The following IGF1 variants were observed in gnomAD, a reference collection of about 807,000 sequenced individuals.
IGF1 encodes insulin-like growth factor 1.
A neutral mutation model predicts 13.8 loss-of-function variants in IGF1; 4 were observed. The ratio of observed to expected loss-of-function variants is 0.29; its 90% confidence interval spans 0.14 to 0.66. The LOEUF is 0.66. Ranked by LOEUF, IGF1 falls within the 30% of genes least tolerant of loss-of-function variation. The probability of loss-of-function intolerance (pLI) is 0.78; values close to 1 mark genes in which losing one functional copy is unlikely to be tolerated. For missense variants in IGF1, 124 were observed against 188.5 expected, an observed-to-expected ratio of 0.66 and a Z score of 2.00; for synonymous variants, 76 against 72.6, an observed-to-expected ratio of 1.05 and a Z score of -0.23.
At chr12:102,447,776 A>G (rs1223367252) in intron 2 of IGF1, among the ~76,000 whole-genome samples, 1 of 152,180 alleles carries the variant, frequency 6.6e-6, no homozygotes, top group Non-Finnish European at 1.5e-5. Flanking sequence ...TTAACTCAAG[A>G]TGGATTAAAG....
intron 2 of IGF1, among the ~76,000 whole-genome samples, chr12:102,473,709 A>T (rs994046261): frequency 1.3e-5 from 2 of 152,218 alleles, no homozygotes; most frequent in African/African-American, 4.8e-5. Flanking sequence ...TACAATTTTT[A>T]AAAATTTGCT....
At chr12:102,419,454 A>G in intron 3 of IGF1, 55 bp downstream of exon 3, 4 of 1,564,318 alleles carry the variant, frequency 2.6e-6, no homozygotes, top group Admixed American at 3.5e-5. Flanking sequence ...GCCCACCCAC[A>G]TGCACAAGAG....
intron 3 of IGF1, among the ~76,000 whole-genome samples, chr12:102,418,657 A>G (rs1341762936): frequency 4.6e-5 from 7 of 151,996 alleles, no homozygotes; most frequent in Non-Finnish European, 7.4e-5. Context: ...CCTTCTCTTT[A>G]GTTCTTATTC....
At chr12:102,418,809 T>G (rs1875403813) in intron 3 of IGF1, among the ~76,000 whole-genome samples, 1 of 152,244 alleles carries the variant, frequency 6.6e-6, no homozygotes, top group African/African-American at 2.4e-5. Flanking sequence ...CTCTGAGGTT[T>G]GTTTACAGTC....
intron 3 of IGF1, among the ~76,000 whole-genome samples, chr12:102,412,166 C>T (rs1874701620): frequency 6.6e-6 from 1 of 152,138 alleles, no homozygotes; most frequent in African/African-American, 2.4e-5. Context: ...TTCCACCCCT[C>T]CAATAATGTC....
At chr12:102,470,792 T>C (rs1880638195) in intron 2 of IGF1, among the ~76,000 whole-genome samples, 1 of 152,174 alleles carries the variant, frequency 6.6e-6, no homozygotes, top group South Asian at 2.1e-4. Context: ...AATTATACAC[T>C]CTCTTCTTTA....
intron 2 of IGF1, among the ~76,000 whole-genome samples, chr12:102,434,751 A>G (rs1877074241): frequency 6.6e-6 from 1 of 151,736 alleles, no homozygotes; most frequent in Non-Finnish European, 1.5e-5. Context: ...GAACTAGTTT[A>G]CAGTCCCACC....
At chr12:102,428,818 A>G (rs1408446727) in intron 2 of IGF1, among the ~76,000 whole-genome samples, 2 of 152,190 alleles carry the variant, frequency 1.3e-5, no homozygotes, top group African/African-American at 4.8e-5. Flanking sequence ...GTGTCTGTCA[A>G]TGCTACATGA....
intron 2 of IGF1, among the ~76,000 whole-genome samples, chr12:102,472,419 A>T (rs980393518): frequency 6.6e-6 from 1 of 151,312 alleles, no homozygotes; most frequent in Admixed American, 6.6e-5. Flanking sequence ...TAATAGAGTT[A>T]AAAAAAAACT....
intron 1 of IGF1, chr12:102,478,554 G>A (rs1360300966): frequency 7.5e-6 from 12 of 1,601,544 alleles, no homozygotes; most frequent in Non-Finnish European, 9.4e-6. Context: ...TTATGAGGCC[G>A]ATGTGAATAG....
intron 2 of IGF1, among the ~76,000 whole-genome samples, chr12:102,445,057 C>G (rs1207769893): frequency 1.3e-5 from 2 of 151,934 alleles, no homozygotes. Flanking sequence ...AGATGTGTAG[C>G]GTTATTTCTG....
intron 2 of IGF1, among the ~76,000 whole-genome samples, chr12:102,437,228 G>T (rs1269291053): frequency 6.6e-6 from 1 of 152,176 alleles, no homozygotes; most frequent in African/African-American, 2.4e-5. Flanking sequence ...GGCCTCCCTA[G>T]CAGTCTCTCA....
At chr12:102,422,792 G>C (rs550502674) in intron 2 of IGF1, among the ~76,000 whole-genome samples, 1 of 152,260 alleles carries the variant, frequency 6.6e-6, no homozygotes, top group African/African-American at 2.4e-5. Context: ...TCTTTGCCTT[G>C]AGAAACTCTT....
chr12:102,441,539 G>T (rs2137092943), intron 2 of IGF1, among the ~76,000 whole-genome samples: 1 of 152,306 alleles, frequency 6.6e-6, no homozygotes, highest in Middle Eastern at 3.4e-3. Flanking sequence ...CCATATTTGG[G>T]AAGCAGGCTA....
At chr12:102,444,806 A>G (rs979623994) in intron 2 of IGF1, among the ~76,000 whole-genome samples, 20 of 152,222 alleles carry the variant, frequency 1.3e-4, no homozygotes, top group African/African-American at 4.6e-4. Flanking sequence ...CCCAGTAAGG[A>G]GATGCGTTAA....
chr12:102,479,790 G>A (rs938132525), intron 1 of IGF1, among the ~76,000 whole-genome samples: 1 of 151,940 alleles, frequency 6.6e-6, no homozygotes, highest in Non-Finnish European at 1.5e-5. Flanking sequence ...GCAGAGTTCC[G>A]GGACCTTAGC....
At chr12:102,419,868 G>A (rs1231067654) in intron 2 of IGF1, among the ~76,000 whole-genome samples, 178 bp from the exon 3 acceptor site, 1 of 152,110 alleles carries the variant, frequency 6.6e-6, no homozygotes, top group Non-Finnish European at 1.5e-5. Flanking sequence ...ATGCCAGTAT[G>A]TCTCCCGGAG....
intron 2 of IGF1, among the ~76,000 whole-genome samples, chr12:102,435,652 A>G (rs1318470185): frequency 6.6e-6 from 1 of 152,202 alleles, no homozygotes; most frequent in Non-Finnish European, 1.5e-5. Context: ...AAATGGCAAG[A>G]CTTCTCCACC....
intron 2 of IGF1, among the ~76,000 whole-genome samples, chr12:102,427,211 CT>C (rs898062415): frequency 2.0e-5 from 3 of 151,054 alleles, no homozygotes; most frequent in South Asian, 4.2e-4. Flanking sequence ...ATTTTTTTTT[CT>C]TTTTTTTAGA....
Sources: allele counts gnomAD v4.1 joint callset (sites outside exome capture counted in the v4.1 genomes callset), GRCh38; gene constraint gnomAD v4.1.1; transcripts MANE v1.5; gene names NCBI Gene and HGNC (gene_info 2026-07-23, HGNC 2026-07-21).